Variants in DENND1A observed in about 807,000 individuals in gnomAD.
DENND1A encodes the protein DENN domain-containing protein 1A.
Under a neutral mutation model 113.7 loss-of-function variants are expected in DENND1A, and 51 were observed. That is an observed-to-expected ratio of 0.45 (90% CI 0.36 to 0.57). The LOEUF (loss-of-function observed/expected upper bound fraction) is 0.57, where lower values mean the gene tolerates loss of function less well. DENND1A is among the 20% of genes least tolerant of loss of function. DENND1A has a pLI of 0.00. For missense variants in DENND1A, 1,258 were observed against 1,395.9 expected (o/e 0.90, Z 1.57); for synonymous variants, 565 against 570.8 (o/e 0.99, Z 0.14).
chr9:123,863,846 T>C (rs1279202920), intron 2 of DENND1A, among the ~76,000 whole-genome samples: 5 of 152,208 alleles, frequency 3.3e-5, no homozygotes, highest in African/African-American at 1.2e-4. Flanking sequence ...AAGCTGAGTA[T>C]GGGCACAAGA....
At chr9:123,790,853 A>C (rs1832895281) in intron 3 of DENND1A, among the ~76,000 whole-genome samples, 1 of 152,176 alleles carries the variant, frequency 6.6e-6, no homozygotes, top group Non-Finnish European at 1.5e-5. Flanking sequence ...GTACTCAGGG[A>C]AATAAACATG....
chr9:123,494,225 C>CT (rs893611447), intron 13 of DENND1A, among the ~76,000 whole-genome samples: 4 of 152,138 alleles, frequency 2.6e-5, no homozygotes, highest in African/African-American at 7.2e-5. Context: ...ATAAAACTGA[C>CT]TTTTTTACAC....
intron 13 of DENND1A, among the ~76,000 whole-genome samples, chr9:123,494,397 G>C (rs1361289994): frequency 1.3e-5 from 2 of 152,148 alleles, no homozygotes; most frequent in Non-Finnish European, 2.9e-5. Context: ...AAGCTGGCAT[G>C]GTGGGGGTAC....
chr9:123,593,115 C>T (rs780353717), intron 11 of DENND1A, among the ~76,000 whole-genome samples: 2 of 152,186 alleles, frequency 1.3e-5, no homozygotes, highest in Non-Finnish European at 2.9e-5. Flanking sequence ...CTGCCTCCCT[C>T]CAGGGAAGGG....
At chr9:123,739,851 C>A (rs1475264830) in intron 5 of DENND1A, among the ~76,000 whole-genome samples, 2 of 151,400 alleles carry the variant, frequency 1.3e-5, no homozygotes, top group Non-Finnish European at 2.9e-5. Flanking sequence ...CAAAAAAGTT[C>A]TTCCCTCTTC....
Position 123,690,532 on chromosome 9 carries a change from A to T in DENND1A, c.303-13743T>A, listed in dbSNP as rs962582295. Reference sequence around the variant, plus strand: ...ATACTTAACATGGAAAAACATTTACAATATATTTAGATATAAAAGCAGGCT... The same window carrying T: ...ATACTTAACATGGAAAAACATTTACTATATATTTAGATATAAAAGCAGGCT... On this transcript the variant is annotated intron_variant, in intron 5 of 23. Coordinates refer to ENST00000394215, the MANE Select transcript of DENND1A (RefSeq NM_001352964.2). Among the ~76,000 whole-genome samples, 4 of 152,248 alleles carry T rather than the reference A, an allele frequency of 2.6e-5. No homozygotes were observed. In the East Asian group the frequency reaches 5.8e-4, roughly 22 times the overall value.
intron 1 of DENND1A, among the ~76,000 whole-genome samples, chr9:123,882,527 A>G (rs1848467306): frequency 6.6e-6 from 1 of 152,138 alleles, no homozygotes; most frequent in African/African-American, 2.4e-5. Context: ...AAATACATCC[A>G]GAATCTCAAC....
At chr9:123,925,075 T>C (rs1400276589) in intron 1 of DENND1A, among the ~76,000 whole-genome samples, 2 of 152,226 alleles carry the variant, frequency 1.3e-5, no homozygotes, top group Non-Finnish European at 2.9e-5. Context: ...CATAGCTTTA[T>C]GTGAATTCAC....
intron 9 of DENND1A, among the ~76,000 whole-genome samples, chr9:123,636,811 C>T (rs942181928): frequency 1.8e-4 from 27 of 151,732 alleles, no homozygotes; most frequent in African/African-American, 5.8e-4. Flanking sequence ...ACTCTCCTGC[C>T]TCAGCCTCCC....
intron 18 of DENND1A, among the ~76,000 whole-genome samples, chr9:123,446,490 A>T (rs1050516542): frequency 6.6e-6 from 1 of 152,162 alleles, no homozygotes; most frequent in Non-Finnish European, 1.5e-5. Flanking sequence ...CTGTGAAACC[A>T]ACTGTGAATT....
Position 123,450,684 on chromosome 9 carries a change from T to G in DENND1A, c.1356+9A>C. On this transcript the variant is annotated intron_variant, in intron 18 of 23. Coordinates refer to ENST00000394215, the MANE Select transcript of DENND1A (RefSeq NM_001352964.2). The stretch of plus-strand genomic sequence containing the variant: ...GTGCTTATACATTTTGAATAAGAAC[T>G]TCAAGTACCTTTTGCTTCAAGCGGT... 2 of 1,609,774 alleles carry G rather than the reference T, an allele frequency of 1.2e-6. No homozygotes were observed. The highest frequency in any genetic ancestry group is 8.5e-7 in the Non-Finnish European group (1 of 1,178,604).
At chr9:123,603,625 GC>G (rs1350148109) in intron 11 of DENND1A, among the ~76,000 whole-genome samples, 3 of 152,148 alleles carry the variant, frequency 2.0e-5, no homozygotes, top group African/African-American at 7.2e-5. Context: ...GCAGCTGGGG[GC>G]CCCCCAACTG....
intron 13 of DENND1A, among the ~76,000 whole-genome samples, chr9:123,523,815 C>T (rs2054586586): frequency 6.6e-6 from 1 of 152,160 alleles, no homozygotes; most frequent in African/African-American, 2.4e-5. Flanking sequence ...GCAGAAAGCA[C>T]CTCGGTCTGC....
At chr9:123,401,760 A>C in intron 21 of DENND1A, 1 of 1,612,530 alleles carries the variant, frequency 6.2e-7, no homozygotes, top group South Asian at 1.1e-5. Context: ...TCTTTGGCAC[A>C]CACTGCGAAG....
At chr9:123,411,689 G>T in intron 20 of DENND1A, 87 bp downstream of exon 20, 7 of 915,906 alleles carry the variant, frequency 7.6e-6, no homozygotes, top group Non-Finnish European at 9.1e-6. Context: ...CCAGGCAGGA[G>T]GGTCCAAACT....
intron 2 of DENND1A, among the ~76,000 whole-genome samples, chr9:123,800,195 T>A (rs1834404672): frequency 6.6e-6 from 1 of 152,220 alleles, no homozygotes; most frequent in Non-Finnish European, 1.5e-5. Flanking sequence ...CACAAGGGAC[T>A]CCCCCAGATT....
At chr9:123,790,308 C>T (rs965425344) in intron 3 of DENND1A, among the ~76,000 whole-genome samples, 1 of 151,818 alleles carries the variant, frequency 6.6e-6, no homozygotes, top group African/African-American at 2.4e-5. Context: ...AACTCTCAAA[C>T]ATATTTCTGG....
chr9:123,652,915 G>A (rs1463042536), intron 8 of DENND1A, among the ~76,000 whole-genome samples: 1 of 152,102 alleles, frequency 6.6e-6, no homozygotes, highest in African/African-American at 2.4e-5. Context: ...AAAATGGAAT[G>A]TGTTTCATTT....
At chr9:123,850,400 A>T (rs1590364014) in intron 2 of DENND1A, among the ~76,000 whole-genome samples, 1 of 152,364 alleles carries the variant, frequency 6.6e-6, no homozygotes, top group Middle Eastern at 3.4e-3. Context: ...AAATCATGAT[A>T]TGTACCTTTT....
Sources: gnomAD v4.1 joint callset for allele counts (sites outside exome capture counted in the v4.1 genomes callset) on GRCh38, gnomAD v4.1.1 for gene constraint, MANE v1.5 for transcripts, NCBI Gene and HGNC (gene_info 2026-07-23, HGNC 2026-07-21) for gene names.